Variants in MYH7 observed in about 807,000 individuals in gnomAD.
MYH7 encodes myosin-7.
A neutral mutation model predicts 225.4 loss-of-function variants in MYH7; 129 were observed. The ratio of observed to expected loss-of-function variants is 0.57; its 90% CI spans 0.50 to 0.66. MYH7 has a LOEUF of 0.66. Among genes scored for constraint, MYH7 ranks in the 30% least tolerant of loss-of-function variants. The pLI, the probability that MYH7 is intolerant of heterozygous loss-of-function variation, is 0.00. For synonymous variants in MYH7, 971 were observed against 1,007.6 expected, an observed-to-expected ratio of 0.96 and a Z score of 0.69; for missense variants, 1,649 against 2,517.0, an observed-to-expected ratio of 0.66 and a Z score of 7.38.
intron 39 of MYH7, among the ~76,000 whole-genome samples, chr14:23,413,515 T>C (rs1892053523): frequency 6.7e-6 from 1 of 148,710 alleles, no homozygotes; most frequent in South Asian, 2.1e-4. Context: ...TGCAGTGAGC[T>C]GAGATTGTGC....
chr14:23,429,784 C>G lies in MYH7; in HGVS notation c.1129G>C (p.Gly377Arg), dbSNP rs773599095. 10 of 1,612,532 alleles carry G rather than the reference C, an allele frequency of 6.2e-6. No homozygotes were observed. The highest frequency in any genetic ancestry group is 8.5e-6 in the Non-Finnish European group (10 of 1,180,018). Residue 377 changes from glycine (G) to arginine (R), a missense_variant, in exon 12 of 40, where the codon GGC (glycine) becomes CGC (arginine). By Grantham distance (125) the Gly-to-Arg change is moderately radical (BLOSUM62 -2). Around this residue, in one of 12 missense-constraint regions of MYH7, gnomAD observed 131 missense variants for 231.3 expected, o/e 0.57. Transcript: ENST00000355349. ...AATCCCTGCCTCCCACCTTCAGTGC[C>G]GTCTGGCTCCGCCTGCTCCTCCCGC... ...KQREEQAEPD[G>R]TEEADKSAYL...
chr14:23,424,397 C>T (rs558873913), intron 22 of MYH7, among the ~76,000 whole-genome samples: 4 of 152,256 alleles, frequency 2.6e-5, no homozygotes, highest in South Asian at 2.1e-4. Context: ...TCTCCTCCAT[C>T]GAAGGGTGGG....
In MYH7 at chr14:23,425,228, C is replaced by T; in HGVS notation, c.2423+54G>A. On this transcript the variant is annotated intron_variant, in intron 21 of 39. Coordinates refer to ENST00000355349, the MANE Select transcript of MYH7 (RefSeq NM_000257.4). The surrounding 1 kb of genome is among the most constrained non-coding windows in gnomAD (Gnocchi z 4.6). ...TGAGCTTTTTTTCCTGACACTGCCC[C>T]TGAACCAGCCTGGGCCTCAGAGAAG... 1 of 1,614,046 alleles carries T rather than the reference C, an allele frequency of 6.2e-7. No individual in the cohort carries two copies. The highest frequency in any genetic ancestry group is 8.5e-7 in the Non-Finnish European group (1 of 1,179,994).
chr14:23,433,377 A>C lies in MYH7; in HGVS notation c.202-150T>G. On this transcript the variant is annotated intron_variant, in intron 3 of 39. Transcript: ENST00000355349. This position sits in a 1 kb window ranked among gnomAD's most constrained non-coding sequence, Gnocchi z 4.1. ...GAAGACAGAAGGGATATTGGGAAGGAGAGGGCTCTTTGGAGGGTCTGGATT... is the reference window on the plus strand; with the variant it reads ...GAAGACAGAAGGGATATTGGGAAGGCGAGGGCTCTTTGGAGGGTCTGGATT... 1.4e-6 allele frequency: 2 copies of C among 1,439,224 alleles called. No individual in the cohort carries two copies. Among genetic ancestry groups the C allele is most frequent in the Non-Finnish European group, 1.9e-6 (2 of 1,038,908 alleles). 89.2% of individuals were successfully genotyped at this position (1,439,224 alleles called of 1,614,324 possible). A position where few individuals can be genotyped will look rare whatever the true frequency, so the allele number is the denominator to read the frequency against.
chr14:23,432,081 C>T (rs1452454709), intron 6 of MYH7, among the ~76,000 whole-genome samples: 1 of 152,212 alleles, frequency 6.6e-6, no homozygotes, highest in Non-Finnish European at 1.5e-5. Flanking sequence ...CTGGTTTGGG[C>T]AGGCTGAGCC....
At position 23,433,637 on chromosome 14, in the gene MYH7, G is replaced by A. The variant is rs201828336; in HGVS notation, c.96C>T (p.Asp32=). The change falls in exon 3 of 40, where the codon GAC becomes GAT. Residue 32 remains aspartate (D), a synonymous_variant. Coordinates refer to ENST00000355349, the MANE Select transcript of MYH7 (RefSeq NM_000257.4). The surrounding 1 kb of genome is among the most constrained non-coding windows in gnomAD (Gnocchi z 4.1). ...CAGGCACGAAGACATCCTTCTTGAG[G>A]TCAAAAGGCCTGGTCTGCGCTTCTA... The part of the protein sequence containing the change: ...ERLEAQTRPF[D]LKKDVFVPDD... 3 of 1,614,266 alleles carry A rather than the reference G, an allele frequency of 1.9e-6. No individual in the cohort carries two copies. Among genetic ancestry groups the A allele is most frequent in the African/African-American group, 2.7e-5 (2 of 75,072 alleles).
rs554625800 is a variant in MYH7, at chr14:23,420,324, A to G, written c.3337-90T>C. On this transcript the variant is annotated intron_variant, in intron 26 of 39. Transcript: ENST00000355349. ...AAAAGGCTCTCGGCTTCTCTGGAACAGCAAGTCAGTTTAGCTCTTCCAGTG... is the reference window on the plus strand; with the variant it reads ...AAAAGGCTCTCGGCTTCTCTGGAACGGCAAGTCAGTTTAGCTCTTCCAGTG... The G allele has an allele frequency of 9.7e-6, 15 of 1,548,544 alleles. No homozygotes were observed. The African/African-American group carries it at 1.8e-4, about 18-fold the overall frequency.
Position 23,415,740 on chromosome 14 carries a change from C to A in MYH7, c.5046G>T (p.Gln1682His), listed in dbSNP as rs2138640487. Residue 1682 changes from glutamine to histidine, a missense_variant, in exon 35 of 40, where the codon CAG (glutamine) becomes CAT (histidine). Gln to His is a conservative substitution (Grantham distance 24, BLOSUM62 0). Around this residue, in one of 12 missense-constraint regions of MYH7, gnomAD observed 687 missense variants for 913.8 expected, o/e 0.75. Coordinates refer to ENST00000355349, the MANE Select transcript of MYH7 (RefSeq NM_000257.4). This position sits in a 1 kb window ranked among gnomAD's most constrained non-coding sequence, Gnocchi z 6.3. ...AIVERRNNLL[Q>H]AELEELRAVV... The stretch of plus-strand genomic sequence containing the variant: ...CGGCACGCAACTCCTCCAGCTCAGC[C>A]TGCAGCAGGTTGTTGCGCCGCTCCA... 1 of 1,614,216 alleles carries A rather than the reference C, an allele frequency of 6.2e-7. No individual in the cohort carries two copies. Among genetic ancestry groups the A allele is most frequent in the South Asian group, 1.1e-5 (1 of 91,084 alleles).
In MYH7 at chr14:23,433,481, C is replaced by A. The variant is rs750052082; in HGVS notation, c.201+51G>T. On this transcript the variant is annotated intron_variant, in intron 3 of 39. Coordinates refer to ENST00000355349, the MANE Select transcript of MYH7 (RefSeq NM_000257.4). This position sits in a 1 kb window ranked among gnomAD's most constrained non-coding sequence, Gnocchi z 4.1. ...GCATGGGTGTACCCCTCTCTGTCCA[C>A]CCAGGTGTACAGGTGGCCAGGGTGG... 8.2e-6 allele frequency: 13 copies of A among 1,593,718 alleles called. No individual in the cohort carries two copies. Among genetic ancestry groups the A allele is most frequent in the Middle Eastern group, 1.9e-4 (1 of 5,250 alleles).
chr14:23,433,317 A>G lies in MYH7; in HGVS notation c.202-90T>C. On this transcript the variant is annotated intron_variant, in intron 3 of 39. Coordinates refer to ENST00000355349, the MANE Select transcript of MYH7 (RefSeq NM_000257.4). This position sits in a 1 kb window ranked among gnomAD's most constrained non-coding sequence, Gnocchi z 4.1. ...AGGAGTTGGTGAGTGACAGGGCAAT[A>G]GTGCTCAAGAGAGAAGGAACCAGGA... 1.3e-6 allele frequency: 2 copies of G among 1,581,358 alleles called. No homozygotes were observed. The highest frequency in any genetic ancestry group is 1.7e-6 in the Non-Finnish European group (2 of 1,155,584).
At chr14:23,423,184 C>A (rs1464316476) in intron 24 of MYH7, among the ~76,000 whole-genome samples, 1 of 152,140 alleles carries the variant, frequency 6.6e-6, no homozygotes, top group African/African-American at 2.4e-5. Context: ...GGGAGCCTCA[C>A]AAAATTTCCA....
In MYH7 at chr14:23,420,964, C is replaced by T; in HGVS notation, c.3330G>A (p.Glu1110=). ...GTGGGTGTCCAGACCTCACCTGAAG[C>T]TCCTTGAGCTTCTTCTGCAGCTGGC... is the stretch of plus-strand genomic sequence containing the variant. ...LGSQLQKKLK[E]LQARIEELEE... Residue 1110 remains glutamate, a synonymous_variant, in exon 26 of 40, where the codon GAG becomes GAA. Transcript: ENST00000355349. The T allele has an allele frequency of 6.2e-7, 1 of 1,612,198 alleles. No individual in the cohort carries two copies. The highest frequency in any genetic ancestry group is 2.2e-4 in the Middle Eastern group (1 of 4,516).
intron 38 of MYH7, 35 bp downstream of exon 38, chr14:23,413,972 C>T: frequency 6.2e-7 from 1 of 1,614,150 alleles, no homozygotes; most frequent in Non-Finnish European, 8.5e-7. Context: ...TCTCCTATGC[C>T]TCCCCTGGGC....
chr14:23,414,973 C>G (rs1427965449), intron 37 of MYH7, 22 bp downstream of exon 37: 1 of 1,603,732 alleles, frequency 6.2e-7, no homozygotes, highest in Admixed American at 1.7e-5. Context: ...AGGGCTCTGC[C>G]TGGAGTCACC....
rs1290890790 is a variant in MYH7, at chr14:23,415,406, T to C, written c.5258A>G (p.Glu1753Gly). The C allele has an allele frequency of 1.2e-6, 2 of 1,614,098 alleles. No homozygotes were observed. The highest frequency in any genetic ancestry group is 1.3e-5 in the African/African-American group (1 of 74,922). ...ATCCGTGATGGCCTTCTTGGCCTTC[T>C]CCTCAGCATTCCTGCACTCCTGCAC... ...EAVQECRNAE[E>G]KAKKAITDAA... The change falls in exon 36 of 40, where the codon GAG (glutamate) becomes GGG (glycine). Residue 1753 changes from glutamate to glycine, a missense_variant. Around this residue, in one of 12 missense-constraint regions of MYH7, gnomAD observed 687 missense variants for 913.8 expected, o/e 0.75. Transcript: ENST00000355349. This position sits in a 1 kb window ranked among gnomAD's most constrained non-coding sequence, Gnocchi z 6.3.
At chr14:23,432,855 G>T (rs1340527799) in intron 4 of MYH7, 60 bp from the exon 5 acceptor site, 1 of 1,604,698 alleles carries the variant, frequency 6.2e-7, no homozygotes, top group Non-Finnish European at 8.5e-7. Flanking sequence ...TGGTGATTTT[G>T]GGAGTTAGAG....
chr14:23,414,729 G>GT (rs1566522133), intron 37 of MYH7, among the ~76,000 whole-genome samples: 1 of 152,090 alleles, frequency 6.6e-6, no homozygotes, highest in African/African-American at 2.4e-5. Context: ...GCTGTACTGG[G>GT]TGAGCTTTGT....
chr14:23,421,135 G>GT lies in MYH7; in HGVS notation c.3246-88dup. On this transcript the variant is annotated intron_variant, in intron 25 of 39. Coordinates refer to ENST00000355349, the MANE Select transcript of MYH7 (RefSeq NM_000257.4). The stretch of plus-strand genomic sequence containing the variant: ...GTGGTTGAAAATGGTAATGATACAG[G>GT]TAAAGAGTAGGATTTCATTAGAAAA... The GT allele has an allele frequency of 5.4e-6, 5 of 934,454 alleles. No homozygotes were observed. The South Asian group carries it at 6.7e-5, about 13-fold the overall frequency. The allele number at this position is 934,454 out of a possible 1,614,324, so 57.9% of individuals were successfully genotyped here. A position where few individuals can be genotyped will look rare whatever the true frequency, so the allele number is the denominator to read the frequency against.
intron 1 of MYH7, 29 bp from the exon 2 acceptor site, chr14:23,434,278 G>A (rs948382000): frequency 2.0e-6 from 2 of 999,108 alleles, no homozygotes; most frequent in African/African-American, 3.5e-5. Context: ...CTGTGTCAGG[G>A]CAGGCTGTGC....
Sources: gnomAD v4.1 joint callset for allele counts (sites outside exome capture counted in the v4.1 genomes callset) on GRCh38, gnomAD v4.1.1 for gene constraint, gnomAD v4.1.1 regional missense constraint, Gnocchi (gnomAD v3.1) non-coding constraint, MANE v1.5 for transcripts, NCBI Gene and HGNC (gene_info 2026-07-23, HGNC 2026-07-21) for gene names.